Variants in GRIA2 observed in about 807,000 individuals in gnomAD.
GRIA2 encodes the protein glutamate receptor 2.
Under a neutral mutation model 97.3 loss-of-function variants are expected in GRIA2, and 14 were observed. That is an observed-to-expected ratio of 0.14 (90% CI 0.10 to 0.23). The LOEUF (loss-of-function observed/expected upper bound fraction) is 0.23, where lower values mean the gene tolerates loss of function less well. GRIA2 is among the 10% of genes least tolerant of loss of function. The probability of loss-of-function intolerance (pLI) is 1.00; values close to 1 mark genes in which losing one functional copy is unlikely to be tolerated. For synonymous variants in GRIA2, 412 were observed against 387.8 expected (o/e 1.06, Z -0.73); for missense variants, 558 against 1,069.8 (o/e 0.52, Z 6.67).
intron 12 of GRIA2, among the ~76,000 whole-genome samples, chr4:157,355,991 A>T (rs1283574827): frequency 2.2e-4 from 18 of 82,944 alleles, no homozygotes; most frequent in Admixed American, 1.2e-3. Flanking sequence ...TTATATATTT[A>T]TATATATTTA....
At chr4:157,253,833 C>A (rs969187186) in intron 2 of GRIA2, among the ~76,000 whole-genome samples, 1 of 151,936 alleles carries the variant, frequency 6.6e-6, no homozygotes, top group Non-Finnish European at 1.5e-5. Context: ...TTCTGTTTAC[C>A]CCCACTTTCA....
intron 3 of GRIA2, among the ~76,000 whole-genome samples, chr4:157,309,532 A>G (rs1314133096): frequency 5.9e-5 from 9 of 151,942 alleles, no homozygotes; most frequent in Admixed American, 5.9e-4. Flanking sequence ...TTATATTTTT[A>G]GTAGAGATGG....
chr4:157,250,479 C>T (rs1288589241), intron 2 of GRIA2, among the ~76,000 whole-genome samples: 2 of 151,908 alleles, frequency 1.3e-5, no homozygotes, highest in Non-Finnish European at 2.9e-5. Flanking sequence ...GTCCTTTTTT[C>T]TCACCTGGGC....
chr4:157,358,596 A>G (rs976891851), intron 12 of GRIA2, among the ~76,000 whole-genome samples: 1 of 152,186 alleles, frequency 6.6e-6, no homozygotes, highest in Non-Finnish European at 1.5e-5. Flanking sequence ...TTCTGCCTGC[A>G]TAGACCACTG....
At position 157,361,504 on chromosome 4, in the gene GRIA2, TG is replaced by T; in HGVS notation, c.2406+381del. Reference sequence around the variant, plus strand: ...TGTAATGAATAACATAAAATAACATTGATAATGTTATTTATGTTATTTTCCA... The same window carrying T: ...TGTAATGAATAACATAAAATAACATTATAATGTTATTTATGTTATTTTCCA... On this transcript the variant is annotated intron_variant, in intron 14 of 15. Transcript: ENST00000264426. The surrounding 1 kb of genome is among the most constrained non-coding windows in gnomAD (Gnocchi z 5.2). 24 of 1,351,426 alleles carry T rather than the reference TG, an allele frequency of 1.8e-5. No homozygotes were observed. The highest frequency in any genetic ancestry group is 2.4e-5 in the Non-Finnish European group (23 of 941,830). 83.7% of individuals were successfully genotyped at this position (1,351,426 alleles called of 1,614,324 possible).
intron 3 of GRIA2, among the ~76,000 whole-genome samples, chr4:157,309,809 GA>G (rs1734000439): frequency 1.3e-5 from 2 of 151,986 alleles, no homozygotes; most frequent in African/African-American, 4.8e-5. Context: ...ATTACCACTT[GA>G]AATTGTATTA....
chr4:157,269,823 G>A (rs1014941178), intron 2 of GRIA2, among the ~76,000 whole-genome samples: 2 of 151,654 alleles, frequency 1.3e-5, no homozygotes, highest in Admixed American at 1.3e-4. Context: ...ATTTTTATTC[G>A]GTATCTACAG....
intron 12 of GRIA2, among the ~76,000 whole-genome samples, chr4:157,343,110 A>C (rs115327066): frequency 1.5e-3 from 234 of 152,170 alleles, no homozygotes; most frequent in Non-Finnish European, 2.4e-3. Context: ...CACTAACTTC[A>C]TGGAGCCCAT....
At chr4:157,363,393 G>T (rs929225833) in intron 15 of GRIA2, 42 bp from the exon 16 acceptor site, 3 of 1,189,304 alleles carry the variant, frequency 2.5e-6, no homozygotes, top group Non-Finnish European at 3.2e-6. Flanking sequence ...AAACCATAAC[G>T]TATGATTTCT....
chr4:157,310,235 G>A (rs545617035), intron 3 of GRIA2, among the ~76,000 whole-genome samples: 8 of 152,130 alleles, frequency 5.3e-5, no homozygotes, highest in African/African-American at 1.7e-4. Flanking sequence ...GTCACTGAAA[G>A]TTTCAAAAAA....
At chr4:157,342,040 G>C in intron 12 of GRIA2, 1 of 686,194 alleles carries the variant, frequency 1.5e-6, no homozygotes, top group Non-Finnish European at 1.8e-6. Context: ...TTTAACTTTT[G>C]TTCTTATGCT....
At chr4:157,306,063 T>C (rs1733827931) in intron 3 of GRIA2, among the ~76,000 whole-genome samples, 1 of 152,148 alleles carries the variant, frequency 6.6e-6, no homozygotes, top group Non-Finnish European at 1.5e-5. Context: ...AAGTTCAAGG[T>C]GATTTTATAA....
Position 157,308,139 on chromosome 4 carries a change from G to A in GRIA2, c.469+4348G>A, listed in dbSNP as rs985961794. Among the ~76,000 whole-genome samples the A allele has an allele frequency of 9.2e-5, 14 of 152,126 alleles. No individual in the cohort carries two copies. In the East Asian group the frequency reaches 1.5e-3, roughly 17 times the overall value. The stretch of plus-strand genomic sequence containing the variant: ...AACTGACAGACTTCCCCTGTGTACC[G>A]GGTGACCTTTTAAAGGGTTTGCATA... On this transcript the variant is annotated intron_variant, in intron 3 of 15. Coordinates refer to ENST00000264426, the MANE Select transcript of GRIA2 (RefSeq NM_001083619.3).
At chr4:157,277,709 A>C (rs1732387635) in intron 2 of GRIA2, among the ~76,000 whole-genome samples, 1 of 151,198 alleles carries the variant, frequency 6.6e-6, no homozygotes, top group Non-Finnish European at 1.5e-5. Context: ...TACAAAAGTC[A>C]GTTGCTTTTC....
rs1372397008 is a variant in GRIA2 at position 157,363,436 on chromosome 4, T to G, written c.*5T>G. 2.4e-6 allele frequency: 3 copies of G among 1,243,866 alleles called. No individual in the cohort carries two copies. The highest frequency in any genetic ancestry group is 2.0e-6 in the Non-Finnish European group (2 of 992,616). The allele number at this position is 1,243,866 out of a possible 1,614,324, so 77.1% of individuals were successfully genotyped here. On this transcript the variant is annotated splice_region_variant and 3_prime_UTR_variant, in exon 16 of 16. Coordinates refer to ENST00000264426, the MANE Select transcript of GRIA2 (RefSeq NM_001083619.3). ...TCTTTCCCTCCTCTCTCATTTAAGA[T>G]GACCTTGAATGATGCCATGAGGAAC...
intron 12 of GRIA2, among the ~76,000 whole-genome samples, chr4:157,352,254 G>T (rs1736040831): frequency 6.6e-6 from 1 of 152,100 alleles, no homozygotes; most frequent in Non-Finnish European, 1.5e-5. Flanking sequence ...TGAAAATTTG[G>T]ATATCCAGGT....
At chr4:157,325,101 T>C (rs915469501) in intron 6 of GRIA2, among the ~76,000 whole-genome samples, 1 of 152,182 alleles carries the variant, frequency 6.6e-6, no homozygotes, top group Non-Finnish European at 1.5e-5. Context: ...GTTTAGGAAT[T>C]ATAGAAATTA....
At chr4:157,223,225 C>G (rs1419095108) in intron 2 of GRIA2, among the ~76,000 whole-genome samples, 1 of 152,034 alleles carries the variant, frequency 6.6e-6, no homozygotes, top group African/African-American at 2.4e-5. Flanking sequence ...TACTGTCACC[C>G]GGACGAATGA....
intron 2 of GRIA2, among the ~76,000 whole-genome samples, chr4:157,264,371 G>C (rs1334821392): frequency 6.6e-6 from 1 of 151,966 alleles, no homozygotes; most frequent in Admixed American, 6.6e-5. Flanking sequence ...TGCATGCCTT[G>C]GCTCATGGCC....
Sources: allele counts gnomAD v4.1 joint callset (sites outside exome capture counted in the v4.1 genomes callset), GRCh38; gene constraint gnomAD v4.1.1; non-coding constraint Gnocchi (gnomAD v3.1); transcripts MANE v1.5; gene names NCBI Gene and HGNC (gene_info 2026-07-23, HGNC 2026-07-21).